Variants in ANKMY2 observed in about 807,000 individuals in gnomAD.
ANKMY2 encodes the protein ankyrin repeat and MYND domain containing 2, also known as ankyrin repeat and MYND domain-containing protein 2.
A neutral mutation model predicts 50.4 loss-of-function variants in ANKMY2; 36 were observed. The ratio of observed to expected loss-of-function variants is 0.71; its 90% CI spans 0.55 to 0.94. The LOEUF is 0.94. Among genes scored for constraint, ANKMY2 ranks in the 40% least tolerant of loss-of-function variants. ANKMY2 has a pLI of 0.00. For missense variants in ANKMY2, 565 were observed against 524.0 expected, an observed-to-expected ratio of 1.08 and a Z score of -0.76; for synonymous variants, 187 against 178.8, an observed-to-expected ratio of 1.05 and a Z score of -0.36.
intron 6 of ANKMY2, among the ~76,000 whole-genome samples, chr7:16,610,105 C>G (rs534849016): frequency 3.3e-5 from 5 of 152,244 alleles, no homozygotes; most frequent in Admixed American, 3.3e-4. Context: ...GTTCCCTTTT[C>G]TAGGTAAGGA....
chr7:16,614,981 AAACAAC>A (rs1781317843), intron 5 of ANKMY2, among the ~76,000 whole-genome samples: 1 of 152,212 alleles, frequency 6.6e-6, no homozygotes, highest in African/African-American at 2.4e-5. Context: ...AATTATGTGT[AAACAAC>A]AACAGCAAAA....
chr7:16,630,438 G>A (rs1237692766), intron 2 of ANKMY2, among the ~76,000 whole-genome samples: 1 of 152,190 alleles, frequency 6.6e-6, no homozygotes, highest in East Asian at 1.9e-4. Flanking sequence ...TGAATAGCAT[G>A]AGAAACAAGC....
intron 7 of ANKMY2, among the ~76,000 whole-genome samples, chr7:16,606,239 T>A (rs1781159508): frequency 6.6e-6 from 1 of 152,106 alleles, no homozygotes; most frequent in South Asian, 2.1e-4. Context: ...GAGAGCAGCC[T>A]GACCAACTTG....
intron 1 of ANKMY2, among the ~76,000 whole-genome samples, chr7:16,641,941 G>C (rs1466371647): frequency 6.6e-6 from 1 of 152,170 alleles, no homozygotes; most frequent in Non-Finnish European, 1.5e-5. Flanking sequence ...GGACTTTTTA[G>C]GGGGTGATGA....
intron 4 of ANKMY2, among the ~76,000 whole-genome samples, chr7:16,620,702 C>A (rs1230141684): frequency 6.6e-6 from 1 of 151,756 alleles, no homozygotes; most frequent in Non-Finnish European, 1.5e-5. Context: ...CCACATATAT[C>A]AGTAATTACA....
chr7:16,626,353 T>A (rs909590414), intron 3 of ANKMY2, among the ~76,000 whole-genome samples: 3 of 152,192 alleles, frequency 2.0e-5, no homozygotes, highest in Admixed American at 2.0e-4. Flanking sequence ...TCATTTGTAT[T>A]TTAACTCTAT....
chr7:16,609,225 C>G (rs1358312304), intron 7 of ANKMY2, among the ~76,000 whole-genome samples: 1 of 152,152 alleles, frequency 6.6e-6, no homozygotes, highest in Non-Finnish European at 1.5e-5. Flanking sequence ...GCTTATCCCA[C>G]TACATCCCCA....
At chr7:16,619,876 A>G (rs1239123222) in intron 4 of ANKMY2, among the ~76,000 whole-genome samples, 2 of 152,170 alleles carry the variant, frequency 1.3e-5, no homozygotes, top group African/African-American at 4.8e-5. Flanking sequence ...TTTACTTTCA[A>G]GGATAAACTG....
chr7:16,629,933 C>T (rs989754722), intron 2 of ANKMY2, among the ~76,000 whole-genome samples: 5 of 152,012 alleles, frequency 3.3e-5, no homozygotes, highest in Non-Finnish European at 2.9e-5. Context: ...GATATAAACC[C>T]ACCATGCTAT....
chr7:16,631,028 A>G (rs1419193087), intron 2 of ANKMY2, among the ~76,000 whole-genome samples: 2 of 152,224 alleles, frequency 1.3e-5, no homozygotes, highest in Non-Finnish European at 2.9e-5. Context: ...TTCTATTTGA[A>G]CATTAAATAT....
chr7:16,605,530 C>T (rs1781141733), intron 7 of ANKMY2, among the ~76,000 whole-genome samples: 1 of 151,924 alleles, frequency 6.6e-6, no homozygotes, highest in Non-Finnish European at 1.5e-5. Flanking sequence ...GAGATGGAGT[C>T]TCTGTCACCC....
At chr7:16,602,550 G>C in intron 8 of ANKMY2, 41 bp from the exon 9 acceptor site, 2 of 1,587,368 alleles carry the variant, frequency 1.3e-6, no homozygotes, top group Non-Finnish European at 1.7e-6. Context: ...CCAGAGCTTG[G>C]GTTGTATGAT....
intron 5 of ANKMY2, among the ~76,000 whole-genome samples, chr7:16,615,315 C>A (rs1781325872): frequency 6.6e-6 from 1 of 152,200 alleles, no homozygotes; most frequent in South Asian, 2.1e-4. Context: ...CTACTATGGT[C>A]TTTTCTCCAG....
At chr7:16,612,744 C>A in intron 5 of ANKMY2, among the ~76,000 whole-genome samples, 1 of 152,002 alleles carries the variant, frequency 6.6e-6, no homozygotes, top group East Asian at 1.9e-4. Flanking sequence ...CATTAACATG[C>A]GCTTATTGAA....
chr7:16,605,554 G>C (rs1217211079), intron 7 of ANKMY2, among the ~76,000 whole-genome samples: 1 of 151,880 alleles, frequency 6.6e-6, no homozygotes, highest in Non-Finnish European at 1.5e-5. Context: ...TGGAGGTGCA[G>C]TGGCTCGATC....
intron 2 of ANKMY2, among the ~76,000 whole-genome samples, chr7:16,631,857 C>T (rs1781591401): frequency 6.6e-6 from 1 of 152,072 alleles, no homozygotes. Flanking sequence ...TCAGGTGATC[C>T]AACCGCCTCG....
chr7:16,603,578 T>C (rs866686774), intron 8 of ANKMY2: 23 of 470,968 alleles, frequency 4.9e-5, no homozygotes, highest in Middle Eastern at 6.5e-4. Context: ...TAGGCCCTTA[T>C]ACATATATTG....
intron 1 of ANKMY2, among the ~76,000 whole-genome samples, chr7:16,641,971 C>T (rs532829062): frequency 3.4e-4 from 52 of 152,134 alleles, no homozygotes; most frequent in African/African-American, 1.2e-3. Flanking sequence ...TTATGTTGAT[C>T]TTACTGATGG....
rs148633866 is a variant in ANKMY2, at chr7:16,645,536, T to C, written c.38A>G (p.Glu13Gly). ...CCCGATGACTTCCAGTAGCTCCTTC[T>C]CCTCCTGGGTCAGCTCGCCTTTCTT... ...HIKKGELTQE[E>G]KELLEVIGKG... is the part of the protein sequence containing the mutation. Residue 13 changes from glutamate (E) to glycine (G), a missense_variant, in exon 1 of 10, where the codon GAG (glutamate) becomes GGG (glycine). Transcript: ENST00000306999. 9 of 1,611,902 alleles carry C rather than the reference T, an allele frequency of 5.6e-6. No homozygotes were observed. Among genetic ancestry groups the C allele is most frequent in the Non-Finnish European group, 7.6e-6 (9 of 1,178,950 alleles).
Sources: gnomAD v4.1 joint callset for allele counts (sites outside exome capture counted in the v4.1 genomes callset) on GRCh38, gnomAD v4.1.1 for gene constraint, MANE v1.5 for transcripts, NCBI Gene and HGNC (gene_info 2026-07-23, HGNC 2026-07-21) for gene names.